The following HDAC9 variants were observed in gnomAD, a reference collection of about 807,000 sequenced individuals.
The protein encoded by HDAC9 is histone deacetylase 9.
In HDAC9, 41 loss-of-function variants were observed where a neutral mutation model predicts 139.4. The observed-to-expected ratio is 0.29, with a 90% CI of 0.23 to 0.38. The LOEUF is 0.38. Among genes scored for constraint, HDAC9 ranks in the 10% least tolerant of loss-of-function variants. The probability of loss-of-function intolerance (pLI) is 1.00; values close to 1 mark genes in which losing one functional copy is unlikely to be tolerated. For missense variants in HDAC9, 1,147 were observed against 1,297.0 expected (o/e 0.88, Z 1.78); for synonymous variants, 517 against 476.2 (o/e 1.09, Z -1.12).
intron 2 of HDAC9, among the ~76,000 whole-genome samples, chr7:18,224,859 A>G (rs1037049594): frequency 6.6e-6 from 1 of 152,200 alleles, no homozygotes; most frequent in Non-Finnish European, 1.5e-5. Flanking sequence ...AAATAAGAAC[A>G]TGAAGAACAT....
chr7:18,866,029 C>T (rs925824282), intron 21 of HDAC9, among the ~76,000 whole-genome samples: 1 of 149,776 alleles, frequency 6.7e-6, no homozygotes, highest in Admixed American at 6.7e-5. Flanking sequence ...ACTGCCTACT[C>T]AAAACTTTTG....
chr7:18,208,591 G>T (rs1180028810), intron 2 of HDAC9, among the ~76,000 whole-genome samples: 2 of 151,972 alleles, frequency 1.3e-5, no homozygotes, highest in South Asian at 2.1e-4. Flanking sequence ...GGCCAGGCTG[G>T]TCTCCAACTC....
intron 1 of HDAC9, among the ~76,000 whole-genome samples, chr7:18,484,435 G>A (rs1795820054): frequency 6.6e-6 from 1 of 151,884 alleles, no homozygotes; most frequent in South Asian, 2.1e-4. Flanking sequence ...CCCCCATATT[G>A]GTTTAAGTTT....
chr7:18,642,997 C>T lies in HDAC9; in HGVS notation c.913-1674C>T, dbSNP rs185643872. On this transcript the variant is annotated intron_variant, in intron 8 of 25. Transcript: ENST00000686413. ...CCTATTTAAAATGCTTATTTTTCCACACTTATTTTCTCTTCAATGAATACA... is the reference window on the plus strand; with the variant it reads ...CCTATTTAAAATGCTTATTTTTCCATACTTATTTTCTCTTCAATGAATACA... Among the ~76,000 whole-genome samples the T allele has an allele frequency of 3.3e-3, 505 of 152,210 alleles. 5 individuals carry two copies. Among genetic ancestry groups the T allele is most frequent in the African/African-American group, 0.011 (477 of 41,566 alleles).
chr7:18,736,563 C>T (rs1786922399), intron 13 of HDAC9, among the ~76,000 whole-genome samples: 1 of 152,304 alleles, frequency 6.6e-6, no homozygotes, highest in African/African-American at 2.4e-5. Context: ...TTGAACCAGC[C>T]TTGCATCCCA....
intron 22 of HDAC9, among the ~76,000 whole-genome samples, chr7:18,900,893 C>A (rs1441715504): frequency 6.6e-6 from 1 of 152,076 alleles, no homozygotes; most frequent in East Asian, 1.9e-4. Flanking sequence ...CCACAACTTT[C>A]CCAACATTTT....
intron 1 of HDAC9, among the ~76,000 whole-genome samples, chr7:18,460,687 C>G (rs4721713): frequency 6.6e-6 from 1 of 150,398 alleles, no homozygotes; most frequent in Non-Finnish European, 1.5e-5. Flanking sequence ...ACTCGGGAGG[C>G]TGAGGCAGGA....
At chr7:18,244,361 A>T (rs1794379709) in intron 2 of HDAC9, among the ~76,000 whole-genome samples, 1 of 152,238 alleles carries the variant, frequency 6.6e-6, no homozygotes, top group Non-Finnish European at 1.5e-5. Context: ...CTACTGCAAA[A>T]TGCAAACAGA....
intron 12 of HDAC9, among the ~76,000 whole-genome samples, chr7:18,673,922 C>T (rs1562840860): frequency 6.6e-6 from 1 of 152,008 alleles, no homozygotes; most frequent in Non-Finnish European, 1.5e-5. Context: ...TGTTTTATTA[C>T]CAATATTAGT....
chr7:18,246,204 A>C (rs1392249156), intron 2 of HDAC9, among the ~76,000 whole-genome samples: 1 of 150,330 alleles, frequency 6.7e-6, no homozygotes, highest in Non-Finnish European at 1.5e-5. Flanking sequence ...AGTTTGCATT[A>C]TGAAGTAGGT....
chr7:18,835,445 G>C, intron 19 of HDAC9, 22 bp from the exon 20 acceptor site: 1 of 1,603,764 alleles, frequency 6.2e-7, no homozygotes, highest in Non-Finnish European at 8.5e-7. Flanking sequence ...TGTATTTGTC[G>C]TCTGTTTTCA....
At chr7:18,197,046 G>A (rs1206282982) in intron 2 of HDAC9, among the ~76,000 whole-genome samples, 1 of 152,190 alleles carries the variant, frequency 6.6e-6, no homozygotes, top group African/African-American at 2.4e-5. Context: ...GAAGGCCTGA[G>A]TAGAGCAAAA....
chr7:18,149,308 A>T (rs923549474), intron 1 of HDAC9, among the ~76,000 whole-genome samples: 1 of 150,582 alleles, frequency 6.6e-6, no homozygotes, highest in African/African-American at 2.4e-5. Flanking sequence ...GTAGTTAATT[A>T]TAATATTTAA....
intron 12 of HDAC9, among the ~76,000 whole-genome samples, chr7:18,671,834 T>C (rs1795694335): frequency 6.6e-6 from 1 of 152,036 alleles, no homozygotes; most frequent in South Asian, 2.1e-4. Context: ...TGTGGCCTTT[T>C]GTGCCTGGCT....
intron 14 of HDAC9, among the ~76,000 whole-genome samples, chr7:18,759,147 G>T (rs1789148468): frequency 6.6e-6 from 1 of 152,068 alleles, no homozygotes; most frequent in Non-Finnish European, 1.5e-5. Context: ...GGCCAAATGA[G>T]CTGTCTTTAC....
At chr7:18,139,898 G>T (rs1785764140) in intron 1 of HDAC9, among the ~76,000 whole-genome samples, 2 of 152,120 alleles carry the variant, frequency 1.3e-5, no homozygotes, top group African/African-American at 2.4e-5. Context: ...AGAGCCTCTG[G>T]GGGAGAACAG....
At chr7:18,504,876 G>A (rs1001878921) in intron 2 of HDAC9, among the ~76,000 whole-genome samples, 15 of 152,132 alleles carry the variant, frequency 9.9e-5, no homozygotes, top group Admixed American at 8.5e-4. Flanking sequence ...GCAGGGTCCT[G>A]CCCCTTTTTC....
chr7:18,123,683 G>A (rs1784489390), intron 1 of HDAC9, among the ~76,000 whole-genome samples: 1 of 152,152 alleles, frequency 6.6e-6, no homozygotes, highest in Non-Finnish European at 1.5e-5. Context: ...ATGACCTGGG[G>A]TGAAGCAGTA....
chr7:18,878,005 C>G (rs1230285430), intron 22 of HDAC9, among the ~76,000 whole-genome samples: 1 of 152,092 alleles, frequency 6.6e-6, no homozygotes, highest in African/African-American at 2.4e-5. Flanking sequence ...TTAACCTGCC[C>G]TAAACCCAGC....
Sources: allele counts gnomAD v4.1 joint callset (sites outside exome capture counted in the v4.1 genomes callset), GRCh38; gene constraint gnomAD v4.1.1; transcripts MANE v1.5; gene names NCBI Gene and HGNC (gene_info 2026-07-23, HGNC 2026-07-21).